The following NELL1 variants were observed in gnomAD, a reference collection of about 807,000 sequenced individuals.
The protein encoded by NELL1 is protein kinase C-binding protein NELL1.
In NELL1, 76 loss-of-function variants were observed where a neutral mutation model predicts 107.4. The observed-to-expected ratio is 0.71, with a 90% confidence interval of 0.59 to 0.86. NELL1 has a LOEUF of 0.86. Ranked by LOEUF, NELL1 falls within the 40% of genes least tolerant of loss-of-function variation. NELL1 has a pLI of 0.00. For synonymous variants in NELL1, 353 were observed against 341.2 expected (o/e 1.03, Z -0.38); for missense variants, 1,024 against 1,005.5 (o/e 1.02, Z -0.25).
chr11:21,256,238 C>A (rs1333971012), intron 14 of NELL1, among the ~76,000 whole-genome samples: 1 of 152,010 alleles, frequency 6.6e-6, no homozygotes, highest in Non-Finnish European at 1.5e-5. Flanking sequence ...CTCTACTGAG[C>A]AATCTTTATA....
intron 4 of NELL1, among the ~76,000 whole-genome samples, chr11:20,870,645 G>C (rs1460074599): frequency 1.3e-5 from 2 of 152,184 alleles, no homozygotes; most frequent in Non-Finnish European, 2.9e-5. Context: ...TTCCGAGCTT[G>C]TAGCCCATTG....
intron 12 of NELL1, among the ~76,000 whole-genome samples, chr11:21,075,036 G>T (rs1369969320): frequency 6.6e-6 from 1 of 152,212 alleles, no homozygotes; most frequent in Non-Finnish European, 1.5e-5. Flanking sequence ...TAGATGGATA[G>T]TGACACCTGT....
In NELL1 at chr11:21,145,543, CT is replaced by C. The variant is rs550806295; in HGVS notation, c.1426+31832del. Among the ~76,000 whole-genome samples the C allele has an allele frequency of 1.8e-3, 271 of 152,232 alleles. 3 individuals are homozygous for C. The highest frequency in any genetic ancestry group is 5.1e-3 in the African/African-American group (213 of 41,532). On this transcript the variant is annotated intron_variant, in intron 13 of 19. Transcript: ENST00000357134. ...GTAGAAAGGAAATACCACAATTAACCTTTGGATTTAGGATACATAGACTGAT... is the reference window on the plus strand; with the variant it reads ...GTAGAAAGGAAATACCACAATTAACCTTGGATTTAGGATACATAGACTGAT...
intron 15 of NELL1, among the ~76,000 whole-genome samples, chr11:21,447,442 G>A (rs933490149): frequency 1.3e-5 from 2 of 152,110 alleles, no homozygotes; most frequent in African/African-American, 4.8e-5. Flanking sequence ...GTACTACCTG[G>A]TTACTTCTGC....
chr11:21,069,951 C>A (rs1020710916), intron 12 of NELL1, among the ~76,000 whole-genome samples: 5 of 152,276 alleles, frequency 3.3e-5, no homozygotes, highest in African/African-American at 7.2e-5. Context: ...CGCTATAAAT[C>A]CTTACTTTCA....
intron 2 of NELL1, among the ~76,000 whole-genome samples, chr11:20,696,014 A>G (rs1854605773): frequency 6.6e-6 from 1 of 152,060 alleles, no homozygotes; most frequent in African/African-American, 2.4e-5. Flanking sequence ...ATGAGAAGTT[A>G]CGTGTTTCCA....
intron 8 of NELL1, among the ~76,000 whole-genome samples, chr11:20,928,092 A>G (rs1850538175): frequency 6.6e-6 from 1 of 152,216 alleles, no homozygotes; most frequent in Non-Finnish European, 1.5e-5. Context: ...CAAATGTGTT[A>G]TTTATGTTCT....
chr11:21,278,035 A>C (rs1848908499), intron 14 of NELL1, among the ~76,000 whole-genome samples: 1 of 116,536 alleles, frequency 8.6e-6, no homozygotes, highest in South Asian at 3.4e-4. Flanking sequence ...GTACCCTAAA[A>C]CTTGAAGTAT....
chr11:21,570,760 A>G lies in NELL1; in HGVS notation c.1981-4A>G. ...GAAACCTCCTTAACTTCATTTCTAA[A>G]CAGGATGGCAAGATATTCTGCCGAC... On this transcript the variant is annotated splice_polypyrimidine_tract_variant and splice_region_variant and intron_variant, in intron 17 of 19. Transcript: ENST00000357134. The G allele has an allele frequency of 6.2e-7, 1 of 1,610,630 alleles. No homozygotes were observed. Among genetic ancestry groups the G allele is most frequent in the Non-Finnish European group, 8.5e-7 (1 of 1,177,946 alleles).
chr11:20,769,952 G>T (rs1856608824), intron 2 of NELL1, among the ~76,000 whole-genome samples: 1 of 152,150 alleles, frequency 6.6e-6, no homozygotes, highest in African/African-American at 2.4e-5. Flanking sequence ...GACTGCGTGG[G>T]AGCCTACCAG....
intron 15 of NELL1, among the ~76,000 whole-genome samples, chr11:21,397,628 A>G (rs1489243206): frequency 6.6e-6 from 1 of 151,728 alleles, no homozygotes; most frequent in Non-Finnish European, 1.5e-5. Context: ...AATAGGTTTT[A>G]TAGCCATGTG....
chr11:21,510,599 G>A lies in NELL1; in HGVS notation c.1646-23775G>A, dbSNP rs58152660. Among the ~76,000 whole-genome samples, 243 of 152,266 alleles carry A rather than the reference G, an allele frequency of 1.6e-3. 1 individual carries two copies. The highest frequency in any genetic ancestry group is 5.6e-3 in the African/African-American group (232 of 41,568). ...CTTCCAAAATGTTATGATCCAGCCTGGCAGTATATGTTTGCACTGTGATAT... is the reference window on the plus strand; with the variant it reads ...CTTCCAAAATGTTATGATCCAGCCTAGCAGTATATGTTTGCACTGTGATAT... On this transcript the variant is annotated intron_variant, in intron 15 of 19. Transcript: ENST00000357134.
chr11:21,360,585 G>C (rs1406435515), intron 14 of NELL1, among the ~76,000 whole-genome samples: 1 of 151,822 alleles, frequency 6.6e-6, no homozygotes, highest in Non-Finnish European at 1.5e-5. Context: ...CTGTTAGTGG[G>C]GTATTGAAGT....
At chr11:20,790,218 G>A (rs541573895) in intron 3 of NELL1, among the ~76,000 whole-genome samples, 1 of 152,310 alleles carries the variant, frequency 6.6e-6, no homozygotes, top group African/African-American at 2.4e-5. Context: ...ATGGTGCCCA[G>A]ACTGCAGGTG....
intron 14 of NELL1, among the ~76,000 whole-genome samples, chr11:21,304,673 T>G (rs2133631131): frequency 6.6e-6 from 1 of 152,120 alleles, no homozygotes; most frequent in Admixed American, 6.6e-5. Flanking sequence ...TTGTAAATCT[T>G]CTGCACTCCT....
chr11:21,427,051 G>C (rs1852839767), intron 15 of NELL1, among the ~76,000 whole-genome samples: 2 of 152,188 alleles, frequency 1.3e-5, no homozygotes, highest in African/African-American at 4.8e-5. Flanking sequence ...GGCAGCTGGT[G>C]GTGCGTGGGC....
chr11:20,802,700 G>T (rs1285086607), intron 3 of NELL1, among the ~76,000 whole-genome samples: 1 of 151,988 alleles, frequency 6.6e-6, no homozygotes, highest in Admixed American at 6.6e-5. Context: ...GATAGCTATG[G>T]GTCTTTCATA....
At chr11:21,473,449 CTTATA>C (rs1178486634) in intron 15 of NELL1, among the ~76,000 whole-genome samples, 6 of 152,026 alleles carry the variant, frequency 3.9e-5, no homozygotes, top group Non-Finnish European at 8.8e-5. Context: ...AAATGTCATT[CTTATA>C]TTATTTCATT....
rs371944891 is a variant in NELL1, at chr11:21,390,060, GTACT to G, written c.1645+19119_1645+19122del. 5.2e-3 allele frequency among the ~76,000 whole-genome samples: 793 copies of G among 151,766 alleles called. 6 individuals are homozygous for G. The highest frequency in any genetic ancestry group is 0.016 in the African/African-American group (651 of 41,454). ...TTCCAATTGCATTGTAATTTTGTCA[GTACT>G]TACTTATTACCTGCCTTTTTCATTT... On this transcript the variant is annotated intron_variant, in intron 15 of 19. Coordinates refer to ENST00000357134, the MANE Select transcript of NELL1 (RefSeq NM_006157.5).
Sources: gnomAD v4.1 joint callset for allele counts (sites outside exome capture counted in the v4.1 genomes callset) on GRCh38, gnomAD v4.1.1 for gene constraint, MANE v1.5 for transcripts, NCBI Gene and HGNC (gene_info 2026-07-23, HGNC 2026-07-21) for gene names.